The following SEC16A variants were observed in gnomAD, a reference collection of about 807,000 sequenced individuals.
SEC16A encodes protein transport protein Sec16A.
SEC16A carries 110 observed loss-of-function variants against 221.9 expected under a neutral mutation model. The ratio of observed to expected loss-of-function variants is 0.50; its 90% CI spans 0.42 to 0.58. SEC16A has a LOEUF of 0.58. Among genes scored for constraint, SEC16A ranks in the 20% least tolerant of loss-of-function variants. The pLI is 0.00. For synonymous variants in SEC16A, 1,393 were observed against 1,257.7 expected (o/e 1.11, Z -2.28); for missense variants, 3,165 against 3,097.8 (o/e 1.02, Z -0.52).
Position 136,474,486 on chromosome 9 carries a change from C to G in SEC16A, c.3130G>C (p.Val1044Leu), listed in dbSNP as rs991875908. Residue 1044 changes from valine to leucine, a missense_variant, in exon 3 of 32, where the codon GTC (valine) becomes CTC (leucine). Val to Leu is a conservative substitution (Grantham distance 32, BLOSUM62 1). Transcript: ENST00000684901. The part of the protein sequence containing the change: ...APNLDRFYQQ[V>L]TKDAQGQPGL... ...GGCTGGCCCTGGGCATCTTTCGTGA[C>G]CTGCTGATAAAAACGGTCAAGGTTA... 2.5e-6 allele frequency: 4 copies of G among 1,612,974 alleles called. No individual in the cohort carries two copies. The Admixed American group carries it at 5.0e-5, about 20-fold the overall frequency.
Position 136,473,684 on chromosome 9 carries a change from C to A in SEC16A, c.3567+365G>T, listed in dbSNP as rs145455508. Among the ~76,000 whole-genome samples, 821 of 152,326 alleles carry A rather than the reference C, an allele frequency of 5.4e-3. 10 individuals are homozygous for A. Among genetic ancestry groups the A allele is most frequent in the African/African-American group, 0.019 (783 of 41,562 alleles). ...AGCTTCCAGAGGCTAGCCCAGCTTC[C>A]CAAGGCATGCAAGACAGAACTTTTC... is the stretch of plus-strand genomic sequence containing the variant. On this transcript the variant is annotated intron_variant, in intron 3 of 31. Coordinates refer to ENST00000684901, the MANE Select transcript of SEC16A (RefSeq NM_014866.2).
chr9:136,464,941 G>A (rs893596494), intron 8 of SEC16A, among the ~76,000 whole-genome samples: 2 of 152,086 alleles, frequency 1.3e-5, no homozygotes, highest in African/African-American at 4.8e-5. Flanking sequence ...CAGCAAAAAG[G>A]ACAGCAAAAC....
chr9:136,472,214 ATACC>A, intron 3 of SEC16A, 103 bp from the exon 4 acceptor site: 1 of 1,381,296 alleles, frequency 7.2e-7, no homozygotes, highest in Admixed American at 1.9e-5. Context: ...GCAGCATTAG[ATACC>A]TACCAAGAGC....
intron 4 of SEC16A, among the ~76,000 whole-genome samples, chr9:136,468,814 T>G (rs907809544): frequency 2.6e-5 from 4 of 152,186 alleles, no homozygotes; most frequent in Non-Finnish European, 2.9e-5. Flanking sequence ...TCCTAGAATT[T>G]TTGATATTAT....
intron 1 of SEC16A, among the ~76,000 whole-genome samples, chr9:136,480,663 G>A (rs777198155): frequency 1.3e-5 from 2 of 152,184 alleles, no homozygotes; most frequent in East Asian, 1.9e-4. Flanking sequence ...AGGCCGAGGC[G>A]GGCAGATCAA....
upstream of SEC16A, chr9:136,483,124 G>T: frequency 1.6e-6 from 1 of 623,164 alleles, no homozygotes; most frequent in Non-Finnish European, 2.0e-6. Flanking sequence ...CCCGCCCCTC[G>T]GCTCGTCGGC....
chr9:136,459,955 C>T lies in SEC16A; in HGVS notation c.5074-81G>A, dbSNP rs1171397514. ...ATTCCACACAGCTGGGCTCACCAGG[C>T]ACCTCACGGCCTGTGACAGCGTCAC... is the stretch of plus-strand genomic sequence containing the variant. On this transcript the variant is annotated intron_variant, in intron 14 of 31. Transcript: ENST00000684901. The surrounding 1 kb of genome is among the most constrained non-coding windows in gnomAD (Gnocchi z 6.1). 2.0e-6 allele frequency: 3 copies of T among 1,532,036 alleles called. No individual in the cohort carries two copies. Among genetic ancestry groups the T allele is most frequent in the East Asian group, 2.4e-5 (1 of 42,284 alleles). The allele number at this position is 1,532,036 out of a possible 1,614,324, so 94.9% of individuals were successfully genotyped here. A position where few individuals can be genotyped will look rare whatever the true frequency, so the allele number is the denominator to read the frequency against.
Position 136,474,356 on chromosome 9 carries a change from A to G in SEC16A, c.3260T>C (p.Leu1087Pro). ...GTTCTGGGCCTGTCCCTGTGCGGGC[A>G]GACTTTCTGGATTTGACAGCTCCGA... ...MFSELSNPESLPAQGQAQNSA... is the reference protein window; with the variant it reads ...MFSELSNPESPPAQGQAQNSA... The change falls in exon 3 of 32, where the codon CTG (leucine) becomes CCG (proline). Residue 1087 changes from leucine (L) to proline (P), a missense_variant. This residue lies in a region of SEC16A where 2,030 missense variants were observed against 1,923.1 expected (regional missense o/e 1.06). Coordinates refer to ENST00000684901, the MANE Select transcript of SEC16A (RefSeq NM_014866.2). 6.2e-7 allele frequency: 1 copy of G among 1,612,782 alleles called. No homozygotes were observed. Among genetic ancestry groups the G allele is most frequent in the East Asian group, 2.2e-5 (1 of 44,888 alleles).
Position 136,483,029 on chromosome 9 carries a change from C to A in SEC16A, c.-283G>T, listed in dbSNP as rs1276135576. On this transcript the variant is annotated 5_prime_UTR_variant, in exon 1 of 32. Transcript: ENST00000684901. ...CAGACACCTCAGCCGCCGCAGCCATCTTGGCACATCCGGCTCGGGTCTCCG... is the reference window on the plus strand; with the variant it reads ...CAGACACCTCAGCCGCCGCAGCCATATTGGCACATCCGGCTCGGGTCTCCG... The A allele has an allele frequency of 2.0e-6, 2 of 985,194 alleles. No individual in the cohort carries two copies. The highest frequency in any genetic ancestry group is 1.1e-4 in the East Asian group (1 of 8,816). 61.0% of individuals were successfully genotyped at this position (985,194 alleles called of 1,614,324 possible). A position where few individuals can be genotyped will look rare whatever the true frequency, so the allele number is the denominator to read the frequency against.
rs1257214070 is a variant in SEC16A at position 136,459,680 on chromosome 9, T to G, written c.5191+77A>C. Reference sequence around the variant, plus strand: ...CCGAGAAGGCCGGGTTCTGGTGATTTCTGCCAACGCCACAGACAACCGGGC... The same window carrying G: ...CCGAGAAGGCCGGGTTCTGGTGATTGCTGCCAACGCCACAGACAACCGGGC... On this transcript the variant is annotated intron_variant, in intron 15 of 31. Coordinates refer to ENST00000684901, the MANE Select transcript of SEC16A (RefSeq NM_014866.2). The surrounding 1 kb of genome is among the most constrained non-coding windows in gnomAD (Gnocchi z 6.1). The G allele has an allele frequency of 7.1e-7, 1 of 1,410,392 alleles. No individual in the cohort carries two copies. Among genetic ancestry groups the G allele is most frequent in the Non-Finnish European group, 9.8e-7 (1 of 1,022,754 alleles). 87.4% of individuals were successfully genotyped at this position (1,410,392 alleles called of 1,614,324 possible). A position where few individuals can be genotyped will look rare whatever the true frequency, so the allele number is the denominator to read the frequency against.
In SEC16A at chr9:136,474,059, A is replaced by C. The variant is rs770976773; in HGVS notation, c.3557T>G (p.Leu1186Arg). The C allele has an allele frequency of 2.5e-6, 4 of 1,603,508 alleles. No individual in the cohort carries two copies. Among genetic ancestry groups the C allele is most frequent in the East Asian group, 2.2e-5 (1 of 44,716 alleles). Reference protein sequence around the residue: ...PYPPEPGAASLYYQDVYSLYE... With the variant: ...PYPPEPGAASRYYQDVYSLYE... The stretch of plus-strand genomic sequence containing the variant: ...CGACTCGACTCTTACCTGGTAATAG[A>C]GGGAGGCTGCGCCAGGCTCCGGTGG... Residue 1186 changes from leucine to arginine, a missense_variant, in exon 3 of 32, where the codon CTC becomes CGC. Physicochemically the swap from Leu to Arg is moderately radical, Grantham distance 102 (BLOSUM62 -2). Transcript: ENST00000684901.
In SEC16A at chr9:136,476,152, T is replaced by C; in HGVS notation, c.1464A>G (p.Arg488=). 6.2e-7 allele frequency: 1 copy of C among 1,613,846 alleles called. No homozygotes were observed. Among genetic ancestry groups the C allele is most frequent in the Non-Finnish European group, 8.5e-7 (1 of 1,179,874 alleles). ...LDPSSPSDQF[R]YGPLPGPAVP... is the part of the protein sequence containing the mutation. The stretch of plus-strand genomic sequence containing the variant: ...CAGCTGGCCCAGGAAGGGGCCCATA[T>C]CTGAACTGGTCACTCGGGGAGGAAG... The change falls in exon 3 of 32, where the codon AGA becomes AGG. Residue 488 remains arginine (R), a synonymous_variant. Coordinates refer to ENST00000684901, the MANE Select transcript of SEC16A (RefSeq NM_014866.2).
At chr9:136,481,083 AATGCAACTGCCT>A (rs1842265647) in intron 1 of SEC16A, among the ~76,000 whole-genome samples, 1 of 151,408 alleles carries the variant, frequency 6.6e-6, no homozygotes, top group African/African-American at 2.4e-5. Flanking sequence ...GGAGAAAAAC[AATGCAACTGCCT>A]ATCACCTATG....
intron 13 of SEC16A, 79 bp from the exon 14 acceptor site, chr9:136,460,202 C>A (rs1839291201): frequency 1.7e-6 from 2 of 1,190,210 alleles, no homozygotes; most frequent in African/African-American, 3.0e-5. Flanking sequence ...ATGGCTCACG[C>A]CTGTAATCCC....
upstream of SEC16A, among the ~76,000 whole-genome samples, chr9:136,483,267 G>T (rs1420317153): frequency 4.8e-4 from 43 of 90,204 alleles, no homozygotes; most frequent in African/African-American, 1.9e-3. Flanking sequence ...GTTCTTCCCC[G>T]CCTCATTCTT....
At chr9:136,463,188 T>C (rs117984011) in intron 11 of SEC16A, 56 bp from the exon 12 acceptor site, 43,373 of 1,589,084 alleles carry the variant, frequency 0.027, 685 homozygotes, top group Non-Finnish European at 0.033. Flanking sequence ...TGAGGACGCG[T>C]TGGACCACCA....
At chr9:136,483,075 T>C (rs1361076754), upstream of SEC16A, 1 of 961,146 alleles carries the variant, frequency 1.0e-6, no homozygotes, top group Non-Finnish European at 1.2e-6. Flanking sequence ...GCCGCCGACG[T>C]GTCCGGCTTA....
Position 136,451,370 on chromosome 9 carries a change from T to C in SEC16A, c.6198A>G (p.Pro2066=). 6.2e-7 allele frequency: 1 copy of C among 1,612,362 alleles called. No individual in the cohort carries two copies. Among genetic ancestry groups the C allele is most frequent in the Non-Finnish European group, 8.5e-7 (1 of 1,179,316 alleles). The part of the protein sequence containing the change: ...SRTVPDSEAP[P]GWDRADSGPT... ...GACCCGAGTCGGCACGATCCCACCCTGGGGGGGCCTCCGAGTCTGGCACCG... is the reference window on the plus strand; with the variant it reads ...GACCCGAGTCGGCACGATCCCACCCCGGGGGGGCCTCCGAGTCTGGCACCG... The change falls in exon 23 of 32, where the codon CCA becomes CCG. Residue 2066 remains proline, a synonymous_variant. Coordinates refer to ENST00000684901, the MANE Select transcript of SEC16A (RefSeq NM_014866.2).
At chr9:136,464,372 C>T in intron 9 of SEC16A, 48 bp downstream of exon 9, 1 of 1,544,624 alleles carries the variant, frequency 6.5e-7, no homozygotes, top group Middle Eastern at 1.7e-4. Context: ...GCAGAGAGTT[C>T]CCCAGGGCAG....
Sources: allele counts gnomAD v4.1 joint callset (sites outside exome capture counted in the v4.1 genomes callset), GRCh38; gene constraint gnomAD v4.1.1; regional missense constraint gnomAD v4.1.1; non-coding constraint Gnocchi (gnomAD v3.1); transcripts MANE v1.5; gene names NCBI Gene and HGNC (gene_info 2026-07-23, HGNC 2026-07-21).